PCBP3: variants seen among roughly 807,000 people sequenced by gnomAD.
The protein encoded by PCBP3 is poly(rC)-binding protein 3.
A neutral mutation model predicts 52.7 loss-of-function variants in PCBP3; 25 were observed. The ratio of observed to expected loss-of-function variants is 0.47; its 90% CI spans 0.35 to 0.66. The LOEUF (loss-of-function observed/expected upper bound fraction) is 0.66. PCBP3 is among the 30% of genes least tolerant of loss of function. The pLI is 0.01. For synonymous variants in PCBP3, 162 were observed against 183.0 expected, an observed-to-expected ratio of 0.89 and a Z score of 0.93; for missense variants, 391 against 490.3, an observed-to-expected ratio of 0.80 and a Z score of 1.91.
chr21:45,721,602 A>T (rs1569150990), intron 2 of PCBP3, among the ~76,000 whole-genome samples: 1 of 152,128 alleles, frequency 6.6e-6, no homozygotes, highest in Non-Finnish European at 1.5e-5. Context: ...AGTTATTCTA[A>T]TATTAAAGAC....
chr21:45,670,924 G>A (rs1055381818), intron 2 of PCBP3, among the ~76,000 whole-genome samples: 10 of 152,138 alleles, frequency 6.6e-5, no homozygotes, highest in Non-Finnish European at 1.5e-4. Context: ...CATCTGCTAC[G>A]GAGGTGGCAT....
At chr21:45,696,461 G>A (rs2082780935) in intron 2 of PCBP3, among the ~76,000 whole-genome samples, 1 of 152,062 alleles carries the variant, frequency 6.6e-6, no homozygotes, top group South Asian at 2.1e-4. Context: ...TTTGTCTCCA[G>A]AATGTATGAA....
chr21:45,704,484 C>T lies in PCBP3; in HGVS notation c.-199-30908C>T, dbSNP rs761478511. On this transcript the variant is annotated intron_variant, in intron 2 of 17. Transcript: ENST00000681687. The surrounding 1 kb of genome is among the most constrained non-coding windows in gnomAD (Gnocchi z 4.1). ...AGGCCGCAGCGTCTGCCCCCATTTTCCTGCTCTCCCCTGGCAGAGGCGCCC... is the reference window on the plus strand; with the variant it reads ...AGGCCGCAGCGTCTGCCCCCATTTTTCTGCTCTCCCCTGGCAGAGGCGCCC... Among the ~76,000 whole-genome samples, 1 of 152,176 alleles carries T rather than the reference C, an allele frequency of 6.6e-6. No homozygotes were observed. Among genetic ancestry groups the T allele is most frequent in the African/African-American group, 2.4e-5 (1 of 41,442 alleles).
chr21:45,908,691 C>T (rs2096266735), intron 9 of PCBP3, among the ~76,000 whole-genome samples: 1 of 152,138 alleles, frequency 6.6e-6, no homozygotes, highest in Non-Finnish European at 1.5e-5. Context: ...GAGCTCCGGG[C>T]CACAGCCTGG....
chr21:45,796,008 G>A (rs1032599613), intron 4 of PCBP3, among the ~76,000 whole-genome samples: 3 of 152,198 alleles, frequency 2.0e-5, no homozygotes, highest in African/African-American at 7.2e-5. Flanking sequence ...CTGCCTCAAT[G>A]TATGTAATGA....
intron 2 of PCBP3, among the ~76,000 whole-genome samples, chr21:45,670,488 T>A (rs2081101960): frequency 6.6e-6 from 1 of 152,230 alleles, no homozygotes; most frequent in Non-Finnish European, 1.5e-5. Context: ...AGGAATAATT[T>A]GAAATAATTT....
At chr21:45,906,833 A>G (rs8132840) in intron 9 of PCBP3, among the ~76,000 whole-genome samples, 69,508 of 152,104 alleles carry the variant, frequency 0.46, 16,089 homozygotes, top group East Asian at 0.72. Context: ...ATGTTTTCCA[A>G]TCAAGGGCCC....
At chr21:45,660,964 C>G (rs904120901) in intron 1 of PCBP3, among the ~76,000 whole-genome samples, 3 of 151,948 alleles carry the variant, frequency 2.0e-5, no homozygotes, top group African/African-American at 7.3e-5. Flanking sequence ...TTGCTTGAAC[C>G]CAGGAGGCAG....
chr21:45,713,341 G>A (rs1278217573), intron 2 of PCBP3, among the ~76,000 whole-genome samples: 1 of 152,102 alleles, frequency 6.6e-6, no homozygotes, highest in Non-Finnish European at 1.5e-5. Flanking sequence ...CTTTTAGTTG[G>A]TTTATGCTCC....
chr21:45,672,157 G>C (rs2081211627), intron 2 of PCBP3, among the ~76,000 whole-genome samples: 1 of 152,078 alleles, frequency 6.6e-6, no homozygotes, highest in Non-Finnish European at 1.5e-5. Context: ...GAGGAAGAGA[G>C]ACCTGAGCTA....
chr21:45,918,858 A>ATTGGTGTAATTCCAGTG (rs2073977744), intron 13 of PCBP3: 3 of 96,758 alleles, frequency 3.1e-5, no homozygotes, highest in African/African-American at 1.2e-4. Flanking sequence ...CAGATAAACC[A>ATTGGTGTAATTCCAGTG]CTGGTGTAAT....
At chr21:45,732,495 G>A (rs2085530788) in intron 2 of PCBP3, among the ~76,000 whole-genome samples, 1 of 133,022 alleles carries the variant, frequency 7.5e-6, no homozygotes, top group South Asian at 2.2e-4. Flanking sequence ...TTTACTGGCT[G>A]CCTTTACGAT....
intron 2 of PCBP3, among the ~76,000 whole-genome samples, chr21:45,709,551 A>G (rs17004799): frequency 0.19 from 29,122 of 149,504 alleles, 2,997 homozygotes; most frequent in Middle Eastern, 0.33. Flanking sequence ...TAAGACGGGG[A>G]CCTTTTTTTT....
chr21:45,774,133 G>C (rs2090080207), intron 4 of PCBP3, among the ~76,000 whole-genome samples: 1 of 152,156 alleles, frequency 6.6e-6, no homozygotes, highest in Middle Eastern at 3.4e-3. Flanking sequence ...GGCCGGGCGT[G>C]GTGGCTCACA....
intron 15 of PCBP3, among the ~76,000 whole-genome samples, chr21:45,932,963 G>A (rs1388361603): frequency 7.4e-4 from 86 of 115,798 alleles, no homozygotes; most frequent in Middle Eastern, 0.018. Context: ...CCTGAGATGA[G>A]TGAACACCTG....
intron 4 of PCBP3, among the ~76,000 whole-genome samples, chr21:45,815,006 GGTGAGTGATGA>G (rs2092840777): frequency 9.4e-6 from 1 of 106,380 alleles, no homozygotes. Context: ...GTGAGTGAGT[GGTGAGTGATGA>G]GTGAGTGGTG....
intron 4 of PCBP3, among the ~76,000 whole-genome samples, chr21:45,785,437 T>C (rs56269797): frequency 0.21 from 22,545 of 108,922 alleles, 2,471 homozygotes; most frequent in Middle Eastern, 0.36. Context: ...CCCCTCTGCC[T>C]GGCCAGCCGC....
chr21:45,920,193 A>G (rs1454821062), intron 13 of PCBP3, among the ~76,000 whole-genome samples: 1 of 152,216 alleles, frequency 6.6e-6, no homozygotes, highest in Non-Finnish European at 1.5e-5. Context: ...TCAGACCTGC[A>G]GGGACCCTCT....
At chr21:45,893,775 T>A (rs956820227) in intron 5 of PCBP3, 1 of 984,972 alleles carries the variant, frequency 1.0e-6, no homozygotes. Flanking sequence ...TGGAACACAG[T>A]GTGGGGAGGG....
Sources: gnomAD v4.1 joint callset for allele counts (sites outside exome capture counted in the v4.1 genomes callset) on GRCh38, gnomAD v4.1.1 for gene constraint, Gnocchi (gnomAD v3.1) non-coding constraint, MANE v1.5 for transcripts, NCBI Gene and HGNC (gene_info 2026-07-23, HGNC 2026-07-21) for gene names.